The following SMYD3 variants were observed in gnomAD, a reference collection of about 807,000 sequenced individuals.
SMYD3 encodes the protein histone-lysine N-methyltransferase SMYD3.
A neutral mutation model predicts 57.7 loss-of-function variants in SMYD3; 36 were observed. The ratio of observed to expected loss-of-function variants is 0.62; its 90% CI spans 0.48 to 0.82. The LOEUF (loss-of-function observed/expected upper bound fraction) is 0.82, where lower values mean the gene tolerates loss of function less well. Among genes scored for constraint, SMYD3 ranks in the 40% least tolerant of loss-of-function variants. The pLI is 0.00. For synonymous variants in SMYD3, 211 were observed against 195.0 expected (o/e 1.08, Z -0.68); for missense variants, 515 against 538.8 (o/e 0.96, Z 0.44).
In SMYD3 at chr1:245,921,549, G is replaced by GTATATATATA. The variant is rs143521072; in HGVS notation, c.703-5919_703-5910dup. ...TCAACAGTGAGCTAAAAAATGTGGT[G>GTATATATATA]TATATATATATATATATATATACAC... On this transcript the variant is annotated intron_variant, in intron 7 of 11. Coordinates refer to ENST00000490107, the MANE Select transcript of SMYD3 (RefSeq NM_001167740.2). Among the ~76,000 whole-genome samples, 46 of 141,398 alleles carry GTATATATATA rather than the reference G, an allele frequency of 3.3e-4. No individual in the cohort carries two copies. The East Asian group carries it at 7.5e-3, about 23-fold the overall frequency. 92.8% of individuals were successfully genotyped at this position (141,398 alleles called of 152,430 possible). A position where few individuals can be genotyped will look rare whatever the true frequency, so the allele number is the denominator to read the frequency against.
Position 246,271,324 on chromosome 1 carries a change from T to C in SMYD3, c.531+55877A>G, listed in dbSNP as rs140841530. Among the ~76,000 whole-genome samples, 1,122 of 152,296 alleles carry C rather than the reference T, an allele frequency of 7.4e-3. 7 individuals are homozygous for C. Among genetic ancestry groups the C allele is most frequent in the Non-Finnish European group, 0.01 (687 of 68,032 alleles). ...TTCATAAAGAACAATTTGTTTATTT[T>C]TTTTCTTTAGCTGCCTGTTCCTTTG... On this transcript the variant is annotated intron_variant, in intron 5 of 11. Coordinates refer to ENST00000490107, the MANE Select transcript of SMYD3 (RefSeq NM_001167740.2).
At chr1:246,468,707 T>G (rs1471069433) in intron 1 of SMYD3, among the ~76,000 whole-genome samples, 2 of 152,072 alleles carry the variant, frequency 1.3e-5, no homozygotes, top group African/African-American at 4.8e-5. Context: ...CTGGGTGTGG[T>G]GGCTCATGTC....
intron 5 of SMYD3, among the ~76,000 whole-genome samples, chr1:246,245,380 C>CTGCA (rs1220359203): frequency 2.0e-5 from 3 of 151,972 alleles, no homozygotes; most frequent in Non-Finnish European, 4.4e-5. Flanking sequence ...GAAGCAGAGG[C>CTGCA]TGCAGTCAGC....
At chr1:246,282,324 A>C (rs867313543) in intron 5 of SMYD3, among the ~76,000 whole-genome samples, 3 of 93,578 alleles carry the variant, frequency 3.2e-5, no homozygotes, top group African/African-American at 1.1e-4. Context: ...AAAAAAAAAA[A>C]AAAAAAAAAA....
At chr1:246,105,050 A>C (rs1263220825) in intron 5 of SMYD3, among the ~76,000 whole-genome samples, 1 of 152,156 alleles carries the variant, frequency 6.6e-6, no homozygotes, top group Admixed American at 6.5e-5. Context: ...AATTATTAAG[A>C]GGCAAAATCA....
rs563679866 is a variant in SMYD3, at chr1:246,227,941, T to C, written c.531+99260A>G. The stretch of plus-strand genomic sequence containing the variant: ...ATTTATATTTACCTAACACCACATT[T>C]CCTTATTTTTATTCCTTTTTTTTTT... On this transcript the variant is annotated intron_variant, in intron 5 of 11. Coordinates refer to ENST00000490107, the MANE Select transcript of SMYD3 (RefSeq NM_001167740.2). Among the ~76,000 whole-genome samples, 3 of 149,968 alleles carry C rather than the reference T, an allele frequency of 2.0e-5. No individual in the cohort carries two copies. In the East Asian group the frequency reaches 6.0e-4, roughly 30 times the overall value.
rs1459882781 is a variant in SMYD3, at chr1:245,833,894, T to C, written c.1076+24602A>G. The stretch of plus-strand genomic sequence containing the variant: ...CATGCACCTCATTTAACTTGCTCTA[T>C]GCCCATCCCCGCTTCTGACACTGAT... On this transcript the variant is annotated intron_variant, in intron 10 of 11. Transcript: ENST00000490107. Among the ~76,000 whole-genome samples, 6 of 152,380 alleles carry C rather than the reference T, an allele frequency of 3.9e-5. No homozygotes were observed. The East Asian group carries it at 9.6e-4, about 24-fold the overall frequency.
intron 5 of SMYD3, among the ~76,000 whole-genome samples, chr1:245,987,845 T>C (rs547078337): frequency 7.2e-5 from 11 of 152,328 alleles, no homozygotes; most frequent in African/African-American, 2.4e-4. Context: ...CTTCGTTGTA[T>C]TCTAAAGCAG....
chr1:245,995,415 G>C (rs144246462), intron 5 of SMYD3, among the ~76,000 whole-genome samples: 1 of 152,350 alleles, frequency 6.6e-6, no homozygotes, highest in Non-Finnish European at 1.5e-5. Context: ...ATGGAGAACA[G>C]TAACAAATGC....
chr1:245,908,784 C>T (rs1179191436), intron 8 of SMYD3, among the ~76,000 whole-genome samples: 1 of 152,040 alleles, frequency 6.6e-6, no homozygotes, highest in African/African-American at 2.4e-5. Context: ...GGACATACAA[C>T]ATATCAAAAT....
intron 5 of SMYD3, among the ~76,000 whole-genome samples, chr1:246,097,699 T>C (rs937908806): frequency 1.3e-5 from 2 of 152,036 alleles, no homozygotes; most frequent in East Asian, 1.9e-4. Flanking sequence ...CAATACCTTC[T>C]GCTTCGTGAC....
chr1:246,489,561 T>C (rs1558488411), intron 1 of SMYD3, among the ~76,000 whole-genome samples: 1 of 152,154 alleles, frequency 6.6e-6, no homozygotes, highest in Non-Finnish European at 1.5e-5. Flanking sequence ...ATTTGCTCTA[T>C]TCGACAGCGA....
At chr1:245,933,697 AC>A (rs1417880783) in intron 5 of SMYD3, among the ~76,000 whole-genome samples, 5 of 152,220 alleles carry the variant, frequency 3.3e-5, no homozygotes, top group African/African-American at 1.2e-4. Context: ...ATACCAACAC[AC>A]AAAGTGAATA....
rs145740349 is a variant in SMYD3, at chr1:246,423,029, G to C, written c.165-67935C>G. 1.4e-4 allele frequency among the ~76,000 whole-genome samples: 21 copies of C among 152,260 alleles called. 1 individual carries two copies. In the East Asian group the frequency reaches 3.1e-3, roughly 22 times the overall value. ...ATGGAGTGAGATGACCCGGCGCAGT[G>C]GCTCAGGCATATAATTCCAATCACT... On this transcript the variant is annotated intron_variant, in intron 1 of 11. Transcript: ENST00000490107.
chr1:245,932,505 C>T lies in SMYD3; in HGVS notation c.532-2568G>A, dbSNP rs185270826. Among the ~76,000 whole-genome samples the T allele has an allele frequency of 1.7e-4, 26 of 152,264 alleles. No homozygotes were observed. The East Asian group carries it at 4.6e-3, about 27-fold the overall frequency. On this transcript the variant is annotated intron_variant, in intron 5 of 11. Transcript: ENST00000490107. ...GGGAGGGCAGACACAGTGTTTCATT[C>T]ATCACTCTAGTCCTGTACCTGGCTC... is the stretch of plus-strand genomic sequence containing the variant.
chr1:245,970,161 A>T (rs2058260539), intron 5 of SMYD3, among the ~76,000 whole-genome samples: 1 of 152,238 alleles, frequency 6.6e-6, no homozygotes, highest in Non-Finnish European at 1.5e-5. Flanking sequence ...AATACCACAC[A>T]TCTACAACCA....
intron 5 of SMYD3, among the ~76,000 whole-genome samples, chr1:246,291,290 C>T (rs2064685371): frequency 6.6e-6 from 1 of 152,188 alleles, no homozygotes; most frequent in Admixed American, 6.5e-5. Context: ...GTGCATTTTG[C>T]AGATCATGCT....
At chr1:246,318,356 G>A (rs1191351458) in intron 5 of SMYD3, among the ~76,000 whole-genome samples, 1 of 152,170 alleles carries the variant, frequency 6.6e-6, no homozygotes, top group Non-Finnish European at 1.5e-5. Flanking sequence ...CTGGGTGACA[G>A]AGCAAGATCC....
intron 7 of SMYD3, among the ~76,000 whole-genome samples, chr1:245,916,111 G>T (rs374551524): frequency 6.6e-6 from 1 of 151,742 alleles, no homozygotes; most frequent in African/African-American, 2.4e-5. Context: ...TCCAAATTTG[G>T]TATCTTTGAA....
Sources: gnomAD v4.1 joint callset for allele counts (sites outside exome capture counted in the v4.1 genomes callset) on GRCh38, gnomAD v4.1.1 for gene constraint, MANE v1.5 for transcripts, NCBI Gene and HGNC (gene_info 2026-07-23, HGNC 2026-07-21) for gene names.